The following RPS6KA2 variants were observed in gnomAD, a reference collection of about 807,000 sequenced individuals.
RPS6KA2 encodes ribosomal protein S6 kinase A2.
A neutral mutation model predicts 91.8 loss-of-function variants in RPS6KA2; 42 were observed. That is an observed-to-expected ratio of 0.46 (90% CI 0.36 to 0.59). RPS6KA2 has a LOEUF of 0.59. RPS6KA2 is among the 20% of genes least tolerant of loss of function. The pLI is 0.00. For missense variants in RPS6KA2, 798 were observed against 978.5 expected (o/e 0.82, Z 2.46); for synonymous variants, 414 against 393.6 (o/e 1.05, Z -0.61).
intron 2 of RPS6KA2, among the ~76,000 whole-genome samples, chr6:166,765,713 G>A (rs1054251162): frequency 2.0e-5 from 3 of 152,150 alleles, no homozygotes; most frequent in Non-Finnish European, 4.4e-5. Context: ...TTTGAAAGGC[G>A]TGGGGCTAAG....
intron 2 of RPS6KA2, among the ~76,000 whole-genome samples, chr6:166,824,734 T>C (rs959922824): frequency 2.0e-5 from 3 of 151,302 alleles, no homozygotes; most frequent in African/African-American, 4.9e-5. Flanking sequence ...TGTCTGTGTC[T>C]GTGTGTATGT....
chr6:166,771,508 G>A (rs1159850872), intron 2 of RPS6KA2, among the ~76,000 whole-genome samples: 1 of 152,152 alleles, frequency 6.6e-6, no homozygotes, highest in Non-Finnish European at 1.5e-5. Context: ...ACTCAGCAAC[G>A]TGGTTTTAGG....
Position 166,648,149 on chromosome 6 carries a change from T to G in RPS6KA2, c.124-109365A>C, listed in dbSNP as rs1174510004. ...ATACACATACATGCACACACGCACA[T>G]GGTTACACACCCATGCACACATGCT... On this transcript the variant is annotated intron_variant, in intron 2 of 21. Transcript: ENST00000503859. This position sits in a 1 kb window ranked among gnomAD's most constrained non-coding sequence, Gnocchi z 4.8. Among the ~76,000 whole-genome samples the G allele has an allele frequency of 8.7e-6, 1 of 115,296 alleles. No individual in the cohort carries two copies. Among genetic ancestry groups the G allele is most frequent in the Non-Finnish European group, 1.7e-5 (1 of 57,228 alleles). The allele number at this position is 115,296 out of a possible 152,430, so 75.6% of individuals were successfully genotyped here.
intron 2 of RPS6KA2, among the ~76,000 whole-genome samples, chr6:166,789,905 G>C (rs1344740286): frequency 2.0e-5 from 3 of 152,184 alleles, no homozygotes; most frequent in Non-Finnish European, 4.4e-5. Flanking sequence ...AAACCACAAA[G>C]ATGGGGAAAA....
chr6:166,855,586 G>A (rs1780879079), intron 2 of RPS6KA2, among the ~76,000 whole-genome samples: 1 of 152,134 alleles, frequency 6.6e-6, no homozygotes, highest in Non-Finnish European at 1.5e-5. Flanking sequence ...CTAACCTAGA[G>A]AAGACCTTGC....
At chr6:166,641,825 G>A (rs1787448155) in intron 2 of RPS6KA2, among the ~76,000 whole-genome samples, 3 of 146,656 alleles carry the variant, frequency 2.0e-5, no homozygotes, top group Non-Finnish European at 3.0e-5. Context: ...TAAAAGAGAC[G>A]TTGGATCTGA....
At chr6:166,700,991 A>C in intron 2 of RPS6KA2, 1 of 900,448 alleles carries the variant, frequency 1.1e-6, no homozygotes, top group Non-Finnish European at 1.8e-6. Context: ...CTAGGTAAAA[A>C]CTTGTGCATG....
chr6:166,779,698 C>T (rs1778716343), intron 2 of RPS6KA2, among the ~76,000 whole-genome samples: 1 of 152,200 alleles, frequency 6.6e-6, no homozygotes, highest in Non-Finnish European at 1.5e-5. Context: ...GTTTCCTTTC[C>T]ATGAGCAGAT....
At chr6:166,841,533 A>G (rs1299540289) in intron 2 of RPS6KA2, among the ~76,000 whole-genome samples, 1 of 152,258 alleles carries the variant, frequency 6.6e-6, no homozygotes, top group Non-Finnish European at 1.5e-5. Context: ...ACACAAGAAC[A>G]AAAACTTAAT....
At chr6:166,540,402 C>A (rs1036300678) in intron 1 of RPS6KA2, among the ~76,000 whole-genome samples, 1 of 152,176 alleles carries the variant, frequency 6.6e-6, no homozygotes, top group African/African-American at 2.4e-5. Flanking sequence ...GAAACACTTT[C>A]GTCTCCATAT....
chr6:166,432,745 C>T (rs1181628789), intron 14 of RPS6KA2, among the ~76,000 whole-genome samples: 1 of 152,090 alleles, frequency 6.6e-6, no homozygotes, highest in Non-Finnish European at 1.5e-5. Context: ...AATCCCAGCA[C>T]TTTGGGAGGC....
chr6:166,430,360 G>A, intron 16 of RPS6KA2, 93 bp downstream of exon 16: 4 of 1,127,486 alleles, frequency 3.5e-6, no homozygotes, highest in Non-Finnish European at 5.1e-6. Context: ...GACAATCCGC[G>A]TTCTCAGCTC....
chr6:166,511,897 T>C (rs1166134753), intron 3 of RPS6KA2, among the ~76,000 whole-genome samples: 1 of 152,154 alleles, frequency 6.6e-6, no homozygotes, highest in Non-Finnish European at 1.5e-5. Context: ...GGTAGTTCCT[T>C]ACAAAGAAGT....
intron 2 of RPS6KA2, among the ~76,000 whole-genome samples, chr6:166,681,533 C>T (rs1200690024): frequency 6.6e-6 from 1 of 151,910 alleles, no homozygotes; most frequent in Non-Finnish European, 1.5e-5. Flanking sequence ...CAGTGCTGAT[C>T]GGTGGCCCCA....
intron 11 of RPS6KA2, chr6:166,465,471 G>C (rs1266736505): frequency 1.3e-5 from 2 of 152,316 alleles, no homozygotes; most frequent in African/African-American, 4.8e-5. Flanking sequence ...GGGCAAACTT[G>C]ACTCATGAGA....
intron 1 of RPS6KA2, among the ~76,000 whole-genome samples, chr6:166,615,828 C>T (rs575583235): frequency 6.6e-6 from 1 of 152,144 alleles, no homozygotes; most frequent in Non-Finnish European, 1.5e-5. Flanking sequence ...GTCTAGACAC[C>T]ATTGAGGACT....
intron 2 of RPS6KA2, among the ~76,000 whole-genome samples, chr6:166,847,124 C>A (rs1353781882): frequency 2.0e-5 from 3 of 151,674 alleles, no homozygotes; most frequent in Non-Finnish European, 4.4e-5. Context: ...CAACAGTGAC[C>A]AAGCTGAGAA....
intron 2 of RPS6KA2, among the ~76,000 whole-genome samples, chr6:166,724,616 C>G (rs1010451811): frequency 1.3e-5 from 2 of 152,244 alleles, no homozygotes; most frequent in African/African-American, 2.4e-5. Flanking sequence ...GCCACGGCCT[C>G]AGCTTTGTCA....
Position 166,500,951 on chromosome 6 carries a change from G to C in RPS6KA2, c.567-27C>G, listed in dbSNP as rs77755257. On this transcript the variant is annotated intron_variant, in intron 6 of 20. Coordinates refer to ENST00000265678, the MANE Select transcript of RPS6KA2 (RefSeq NM_021135.6). This position sits in a 1 kb window ranked among gnomAD's most constrained non-coding sequence, Gnocchi z 4.3. ...TAAAAGAAAGGGAGAGAAAACAGATGCTTTAGAAAGAGACCCAGCCTGCCG... is the reference window on the plus strand; with the variant it reads ...TAAAAGAAAGGGAGAGAAAACAGATCCTTTAGAAAGAGACCCAGCCTGCCG... 1.5e-5 allele frequency: 24 copies of C among 1,610,420 alleles called. No individual in the cohort carries two copies. Among genetic ancestry groups the C allele is most frequent in the Non-Finnish European group, 2.0e-5 (24 of 1,177,002 alleles).
Sources: gnomAD v4.1 joint callset for allele counts (sites outside exome capture counted in the v4.1 genomes callset) on GRCh38, gnomAD v4.1.1 for gene constraint, Gnocchi (gnomAD v3.1) non-coding constraint, MANE v1.5 for transcripts, NCBI Gene and HGNC (gene_info 2026-07-23, HGNC 2026-07-21) for gene names.